ADRA1B: variants seen among roughly 807,000 people sequenced by gnomAD.
ADRA1B encodes the protein adrenoceptor alpha 1B, also known as alpha-1B adrenergic receptor.
Under a neutral mutation model 17.9 loss-of-function variants are expected in ADRA1B, and 17 were observed. The ratio of observed to expected loss-of-function variants is 0.95; its 90% CI spans 0.65 to 1.42. The LOEUF (loss-of-function observed/expected upper bound fraction) is 1.42, where lower values mean the gene tolerates loss of function less well. ADRA1B is among the 40% of genes most tolerant of loss of function. The probability of loss-of-function intolerance (pLI) is 0.00; values close to 1 mark genes in which losing one functional copy is unlikely to be tolerated. For synonymous variants in ADRA1B, 366 were observed against 327.6 expected, an observed-to-expected ratio of 1.12 and a Z score of -1.27; for missense variants, 681 against 722.1, an observed-to-expected ratio of 0.94 and a Z score of 0.65.
intron 1 of ADRA1B, among the ~76,000 whole-genome samples, chr5:159,944,400 T>A (rs1339128353): frequency 6.6e-6 from 1 of 152,210 alleles, no homozygotes; most frequent in East Asian, 1.9e-4. Flanking sequence ...TAAAGAATGA[T>A]CTGAAGTAGC....
At chr5:159,906,060 G>A (rs1244028120) in intron 1 of ADRA1B, among the ~76,000 whole-genome samples, 5 of 152,092 alleles carry the variant, frequency 3.3e-5, no homozygotes, top group Admixed American at 3.3e-4. Context: ...TCGCCACATT[G>A]GCTAGGCTGG....
At chr5:159,870,393 T>G (rs976174236) in intron 1 of ADRA1B, 5 of 152,220 alleles carry the variant, frequency 3.3e-5, no homozygotes, top group Non-Finnish European at 7.3e-5. Flanking sequence ...CAAGCTCTCT[T>G]TGCTTTAGCT....
intron 1 of ADRA1B, among the ~76,000 whole-genome samples, chr5:159,928,323 A>AG (rs1428538781): frequency 6.6e-6 from 1 of 152,098 alleles, no homozygotes. Flanking sequence ...ATACAGTAGA[A>AG]TCTGTCCACA....
chr5:159,968,125 C>T (rs952986269), intron 1 of ADRA1B, among the ~76,000 whole-genome samples: 6 of 152,078 alleles, frequency 3.9e-5, no homozygotes, highest in African/African-American at 1.5e-4. Context: ...GTTTGTGGAA[C>T]GGATGAATGA....
At chr5:159,923,646 A>G (rs1469174733) in intron 1 of ADRA1B, among the ~76,000 whole-genome samples, 1 of 152,286 alleles carries the variant, frequency 6.6e-6, no homozygotes, top group Non-Finnish European at 1.5e-5. Flanking sequence ...AGACACTCTC[A>G]TAAGTCAAGT....
intron 1 of ADRA1B, among the ~76,000 whole-genome samples, chr5:159,962,929 T>C (rs544106552): frequency 1.6e-5 from 2 of 126,406 alleles, no homozygotes; most frequent in South Asian, 2.6e-4. Context: ...CTTTTTCTTT[T>C]CTTTTCTTTT....
chr5:159,870,325 C>T (rs1318989635), intron 1 of ADRA1B: 2 of 152,184 alleles, frequency 1.3e-5, no homozygotes, highest in African/African-American at 4.8e-5. Context: ...GTGGCATCAC[C>T]TGGCAATCTG....
At chr5:159,948,130 C>A in intron 1 of ADRA1B, 1 of 985,418 alleles carries the variant, frequency 1.0e-6, no homozygotes, top group Non-Finnish European at 1.2e-6. Flanking sequence ...CAATCCATAC[C>A]AGTTCCCTGG....
Position 159,972,444 on chromosome 5 carries a change from G to A in ADRA1B, c.1515G>A (p.Gly505=). ...AGGCCGCGGCCGACGTGGCCAACGG[G>A]CAGCCGGGCTTCAAAAGCAACATGC... ...GCEAAADVAN[G]QPGFKSNMPL... The change falls in exon 2 of 2, where the codon GGG becomes GGA. Residue 505 remains glycine (G), a synonymous_variant. Transcript: ENST00000306675. 6.7e-7 allele frequency: 1 copy of A among 1,494,090 alleles called. No homozygotes were observed. Among genetic ancestry groups the A allele is most frequent in the South Asian group, 1.2e-5 (1 of 80,404 alleles). 92.6% of individuals were successfully genotyped at this position (1,494,090 alleles called of 1,614,324 possible). A position where few individuals can be genotyped will look rare whatever the true frequency, so the allele number is the denominator to read the frequency against.
At chr5:159,883,893 C>A (rs1190565231) in intron 1 of ADRA1B, among the ~76,000 whole-genome samples, 1 of 152,014 alleles carries the variant, frequency 6.6e-6, no homozygotes. Flanking sequence ...TCTAACCTGA[C>A]TGTTGGAAGG....
chr5:159,931,591 A>G (rs1001521744), intron 1 of ADRA1B, among the ~76,000 whole-genome samples: 1 of 152,352 alleles, frequency 6.6e-6, no homozygotes, highest in Middle Eastern at 3.4e-3. Context: ...AGGAAAAATC[A>G]TCCATAATCA....
At chr5:159,903,787 C>A (rs1487057191) in intron 1 of ADRA1B, among the ~76,000 whole-genome samples, 1 of 152,100 alleles carries the variant, frequency 6.6e-6, no homozygotes, top group Non-Finnish European at 1.5e-5. Flanking sequence ...CTTAAGAGCA[C>A]CTGGGTACTC....
chr5:159,975,909 G>A (rs1422103549), downstream of ADRA1B, among the ~76,000 whole-genome samples: 2 of 152,126 alleles, frequency 1.3e-5, no homozygotes, highest in Non-Finnish European at 2.9e-5. Flanking sequence ...TGTCACCACT[G>A]AAGCATGCAC....
At chr5:159,925,780 G>A (rs2113181809) in intron 1 of ADRA1B, among the ~76,000 whole-genome samples, 1 of 152,290 alleles carries the variant, frequency 6.6e-6, no homozygotes, top group Non-Finnish European at 1.5e-5. Flanking sequence ...AAACGTCCAT[G>A]GCCCCTGTAT....
chr5:159,978,617 G>T, the ADRA1B span, among the ~76,000 whole-genome samples: 4 of 152,160 alleles, frequency 2.6e-5, no homozygotes, highest in Non-Finnish European at 4.4e-5. Context: ...TCCAGCTTTT[G>T]TTCTCCCCTC....
chr5:159,941,888 A>G (rs1755137566), intron 1 of ADRA1B, among the ~76,000 whole-genome samples: 1 of 151,926 alleles, frequency 6.6e-6, no homozygotes, highest in Non-Finnish European at 1.5e-5. Context: ...GAGAAGGGGA[A>G]ATGAGATGAC....
chr5:159,874,079 G>A (rs1292180606), intron 1 of ADRA1B, among the ~76,000 whole-genome samples: 2 of 152,102 alleles, frequency 1.3e-5, no homozygotes, highest in Non-Finnish European at 2.9e-5. Context: ...GGCTATTGGG[G>A]TCTTCTCTCT....
At chr5:159,919,080 AGCAAACAGAT>A (rs1174056995) in intron 1 of ADRA1B, among the ~76,000 whole-genome samples, 3 of 152,248 alleles carry the variant, frequency 2.0e-5, no homozygotes, top group Non-Finnish European at 4.4e-5. Flanking sequence ...ACAGAAAGGA[AGCAAACAGAT>A]ATCGAGTTTC....
chr5:159,959,750 A>G (rs922348034), intron 1 of ADRA1B, among the ~76,000 whole-genome samples: 4 of 152,080 alleles, frequency 2.6e-5, no homozygotes, highest in Non-Finnish European at 1.5e-5. Context: ...CATTACTTCT[A>G]GGAGTTGTCA....
Sources: allele counts gnomAD v4.1 joint callset (sites outside exome capture counted in the v4.1 genomes callset), GRCh38; gene constraint gnomAD v4.1.1; transcripts MANE v1.5; gene names NCBI Gene and HGNC (gene_info 2026-07-23, HGNC 2026-07-21).